GTF2F2: variants seen among roughly 807,000 people sequenced by gnomAD.
The protein encoded by GTF2F2 is ATP-dependent helicase GTF2F2.
In GTF2F2, 23 loss-of-function variants were observed where a neutral mutation model predicts 42.2. The ratio of observed to expected loss-of-function variants is 0.55; its 90% CI spans 0.39 to 0.77. GTF2F2 has a LOEUF of 0.77. Ranked by LOEUF, GTF2F2 falls within the 30% of genes least tolerant of loss-of-function variation. The pLI, the probability that GTF2F2 is intolerant of heterozygous loss-of-function variation, is 0.00. For missense variants in GTF2F2, 261 were observed against 287.2 expected, an observed-to-expected ratio of 0.91 and a Z score of 0.66; for synonymous variants, 105 against 100.8, an observed-to-expected ratio of 1.04 and a Z score of -0.25.
intron 4 of GTF2F2, among the ~76,000 whole-genome samples, chr13:45,188,152 C>T (rs150151028): frequency 6.6e-5 from 10 of 152,264 alleles, no homozygotes; most frequent in African/African-American, 2.2e-4. Flanking sequence ...GTGATCCACC[C>T]GCCTTGGCCT....
At chr13:45,156,296 C>T (rs936640681) in intron 4 of GTF2F2, among the ~76,000 whole-genome samples, 1 of 152,148 alleles carries the variant, frequency 6.6e-6, no homozygotes, top group African/African-American at 2.4e-5. Context: ...TGTACTTTGC[C>T]TGAGGGAACT....
At chr13:45,254,557 A>G (rs1352301060) in intron 6 of GTF2F2, among the ~76,000 whole-genome samples, 1 of 152,196 alleles carries the variant, frequency 6.6e-6, no homozygotes, top group East Asian at 1.9e-4. Flanking sequence ...ACTACAACAG[A>G]TAAGGTAACA....
chr13:45,210,617 T>C (rs905765409), intron 5 of GTF2F2, among the ~76,000 whole-genome samples: 5 of 152,354 alleles, frequency 3.3e-5, no homozygotes, highest in Admixed American at 3.3e-4. Flanking sequence ...ACTTTATTTT[T>C]TGTGCATGTC....
chr13:45,218,782 CA>C lies in GTF2F2; in HGVS notation c.386+11279del, dbSNP rs1873989974. Among the ~76,000 whole-genome samples the C allele has an allele frequency of 2.0e-5, 3 of 152,310 alleles. No individual in the cohort carries two copies. In the South Asian group the frequency reaches 6.2e-4, roughly 32 times the overall value. On this transcript the variant is annotated intron_variant, in intron 5 of 7. Transcript: ENST00000340473. ...TCTGGGATTGTTAAATGCTGTTAAT[CA>C]AGTCTTTAGCTTACTATTAGGAAGA...
chr13:45,245,570 T>TA (rs1173940979), intron 5 of GTF2F2, among the ~76,000 whole-genome samples: 2 of 151,402 alleles, frequency 1.3e-5, no homozygotes, highest in African/African-American at 2.4e-5. Context: ...ATTCTTGAGA[T>TA]ACTTCACTTA....
intron 4 of GTF2F2, chr13:45,194,535 T>G (rs1872794940): frequency 6.2e-7 from 1 of 1,612,986 alleles, no homozygotes; most frequent in African/African-American, 1.3e-5. Flanking sequence ...CATACTCCTT[T>G]TCTTTTTCTC....
chr13:45,252,982 G>T lies in GTF2F2; in HGVS notation c.486+12G>T. On this transcript the variant is annotated intron_variant, in intron 6 of 7. Transcript: ENST00000340473. ...ATCATCAATACAATGTAAGTCTTCT[G>T]CTTGTCTCTTTTCATTCTTTTATAT... 1 of 1,076,042 alleles carries T rather than the reference G, an allele frequency of 9.3e-7. No individual in the cohort carries two copies. The highest frequency in any genetic ancestry group is 1.3e-6 in the Non-Finnish European group (1 of 749,524). 66.7% of individuals were successfully genotyped at this position (1,076,042 alleles called of 1,614,324 possible). A position where few individuals can be genotyped will look rare whatever the true frequency, so the allele number is the denominator to read the frequency against.
intron 5 of GTF2F2, among the ~76,000 whole-genome samples, chr13:45,242,217 T>A (rs527736235): frequency 6.6e-6 from 1 of 151,670 alleles, no homozygotes; most frequent in African/African-American, 2.4e-5. Context: ...TCTCCTGGCC[T>A]TCTGTCTGCC....
At chr13:45,224,113 A>G (rs1392705881) in intron 5 of GTF2F2, among the ~76,000 whole-genome samples, 1 of 152,144 alleles carries the variant, frequency 6.6e-6, no homozygotes, top group Non-Finnish European at 1.5e-5. Flanking sequence ...TTTTGATTAT[A>G]TGGCAAATGC....
chr13:45,268,290 A>C (rs2138265671), intron 7 of GTF2F2, among the ~76,000 whole-genome samples: 1 of 152,298 alleles, frequency 6.6e-6, no homozygotes, highest in South Asian at 2.1e-4. Context: ...TGTAACAATA[A>C]CCAATTTTAA....
chr13:45,220,493 A>T (rs1448577869), intron 5 of GTF2F2, among the ~76,000 whole-genome samples: 1 of 152,192 alleles, frequency 6.6e-6, no homozygotes, highest in Non-Finnish European at 1.5e-5. Context: ...TCATCATATA[A>T]GTATTTTCCA....
At chr13:45,221,687 A>C (rs184609469) in intron 5 of GTF2F2, among the ~76,000 whole-genome samples, 28 of 152,150 alleles carry the variant, frequency 1.8e-4, no homozygotes, top group African/African-American at 6.7e-4. Context: ...CACAGGTCAG[A>C]CTCATTAGTG....
At chr13:45,224,614 T>C (rs757677435) in intron 5 of GTF2F2, among the ~76,000 whole-genome samples, 2 of 152,238 alleles carry the variant, frequency 1.3e-5, no homozygotes, top group African/African-American at 2.4e-5. Context: ...TTGGTCTTTG[T>C]TGTTAATGTG....
At chr13:45,150,156 T>C (rs773910132) in intron 3 of GTF2F2, among the ~76,000 whole-genome samples, 15 of 152,242 alleles carry the variant, frequency 9.9e-5, no homozygotes, top group African/African-American at 3.1e-4. Flanking sequence ...ACAATACTTA[T>C]CACATAGTAG....
At chr13:45,249,219 G>A (rs920768226) in intron 5 of GTF2F2, among the ~76,000 whole-genome samples, 10 of 152,134 alleles carry the variant, frequency 6.6e-5, no homozygotes, top group South Asian at 2.1e-4. Context: ...GATTCAAAGC[G>A]AGTTAAAGTA....
intron 1 of GTF2F2, among the ~76,000 whole-genome samples, chr13:45,132,432 T>TG (rs761033329): frequency 1.4e-5 from 2 of 142,196 alleles, no homozygotes; most frequent in African/African-American, 5.5e-5. Context: ...TTGTCATTAG[T>TG]GTTTTTTTTT....
intron 1 of GTF2F2, among the ~76,000 whole-genome samples, chr13:45,133,411 T>C (rs914938713): frequency 1.3e-5 from 2 of 152,204 alleles, no homozygotes; most frequent in African/African-American, 4.8e-5. Flanking sequence ...GTCTTGATAA[T>C]GCTATCTATC....
intron 5 of GTF2F2, among the ~76,000 whole-genome samples, chr13:45,228,283 CTTTT>C (rs372901327): frequency 1.6e-4 from 15 of 92,680 alleles, no homozygotes; most frequent in African/African-American, 7.9e-4. Context: ...CAGAGTTAAT[CTTTT>C]TTTTTTTTTT....
intron 7 of GTF2F2, among the ~76,000 whole-genome samples, chr13:45,274,617 C>T (rs965331991): frequency 1.3e-5 from 2 of 152,118 alleles, no homozygotes; most frequent in Non-Finnish European, 2.9e-5. Flanking sequence ...GCATGAGCCA[C>T]CACGCCCGAC....
Sources: allele counts gnomAD v4.1 joint callset (sites outside exome capture counted in the v4.1 genomes callset), GRCh38; gene constraint gnomAD v4.1.1; transcripts MANE v1.5; gene names NCBI Gene and HGNC (gene_info 2026-07-23, HGNC 2026-07-21).